GPR158: variants seen among roughly 807,000 people sequenced by gnomAD.
The protein encoded by GPR158 is metabotropic glycine receptor.
A neutral mutation model predicts 78.2 loss-of-function variants in GPR158; 30 were observed. That is an observed-to-expected ratio of 0.38 (90% CI 0.29 to 0.52). The LOEUF (loss-of-function observed/expected upper bound fraction) is 0.52, where lower values mean the gene tolerates loss of function less well. Among genes scored for constraint, GPR158 ranks in the 20% least tolerant of loss-of-function variants. The probability of loss-of-function intolerance (pLI) is 0.83; values close to 1 mark genes in which losing one functional copy is unlikely to be tolerated. For missense variants in GPR158, 1,463 were observed against 1,523.5 expected (o/e 0.96, Z 0.66); for synonymous variants, 581 against 591.1 (o/e 0.98, Z 0.25).
At chr10:25,514,035 A>G (rs545912194) in intron 5 of GPR158, among the ~76,000 whole-genome samples, 4 of 152,234 alleles carry the variant, frequency 2.6e-5, no homozygotes, top group East Asian at 1.9e-4. Flanking sequence ...TGTTAAGTCC[A>G]TTTGTTCTAA....
At chr10:25,449,125 G>A (rs1203629806) in intron 4 of GPR158, among the ~76,000 whole-genome samples, 1 of 152,084 alleles carries the variant, frequency 6.6e-6, no homozygotes, top group African/African-American at 2.4e-5. Flanking sequence ...TTTGGGATTT[G>A]GATTGTTTGT....
intron 2 of GPR158, among the ~76,000 whole-genome samples, chr10:25,224,761 G>GA (rs1429034345): frequency 4.1e-4 from 62 of 152,188 alleles, no homozygotes; most frequent in African/African-American, 1.2e-3. Flanking sequence ...ACCAATTTTT[G>GA]CAGAGGTTTT....
At chr10:25,552,803 T>C (rs1291514942) in intron 6 of GPR158, among the ~76,000 whole-genome samples, 1 of 152,174 alleles carries the variant, frequency 6.6e-6, no homozygotes, top group Non-Finnish European at 1.5e-5. Flanking sequence ...CACCTAACAC[T>C]GTGGTCTGCG....
At chr10:25,205,482 T>C (rs1483137927) in intron 1 of GPR158, among the ~76,000 whole-genome samples, 1 of 152,060 alleles carries the variant, frequency 6.6e-6, no homozygotes, top group Non-Finnish European at 1.5e-5. Flanking sequence ...TTTTTCTTTT[T>C]ATGCAATCTC....
At chr10:25,385,199 T>C (rs963886903) in intron 2 of GPR158, among the ~76,000 whole-genome samples, 2 of 152,150 alleles carry the variant, frequency 1.3e-5, no homozygotes, top group Admixed American at 6.5e-5. Context: ...GTACCACATA[T>C]AGGTGGTATC....
chr10:25,533,782 T>C (rs1200118806), intron 5 of GPR158, among the ~76,000 whole-genome samples: 1 of 152,098 alleles, frequency 6.6e-6, no homozygotes, highest in African/African-American at 2.4e-5. Flanking sequence ...TGTCCTTCCT[T>C]TGTAAAGGTA....
chr10:25,433,534 G>GTGTGTGTGTGTGTGT (rs1316150977), intron 4 of GPR158, among the ~76,000 whole-genome samples: 3 of 39,530 alleles, frequency 7.6e-5, no homozygotes, highest in Non-Finnish European at 2.3e-4. Context: ...AGTTAGGGGT[G>GTGTGTGTGTGTGTGT]TGTGTGTGTG....
chr10:25,213,572 AT>A (rs1037348013), intron 1 of GPR158, among the ~76,000 whole-genome samples: 15 of 148,424 alleles, frequency 1.0e-4, no homozygotes, highest in South Asian at 6.4e-4. Flanking sequence ...AGGTGGCTGC[AT>A]TTTTTTTTTA....
intron 2 of GPR158, among the ~76,000 whole-genome samples, chr10:25,355,270 C>A (rs35257516): frequency 0.1 from 15,122 of 151,838 alleles, 1,871 homozygotes; most frequent in African/African-American, 0.3. Context: ...TTTGAGCTTG[C>A]TGCTGCTTTC....
chr10:25,362,405 T>G (rs2130535496), intron 2 of GPR158, among the ~76,000 whole-genome samples: 1 of 152,072 alleles, frequency 6.6e-6, no homozygotes, highest in African/African-American at 2.4e-5. Flanking sequence ...TCTAAATTTT[T>G]TTTTCTTCAA....
chr10:25,425,637 G>A (rs1047279953), intron 4 of GPR158, among the ~76,000 whole-genome samples: 6 of 149,572 alleles, frequency 4.0e-5, no homozygotes, highest in Admixed American at 1.3e-4. Flanking sequence ...AAATCTTCAC[G>A]ACCTGTGCTT....
intron 5 of GPR158, among the ~76,000 whole-genome samples, chr10:25,526,610 A>G (rs992064924): frequency 6.6e-6 from 1 of 152,260 alleles, no homozygotes; most frequent in Non-Finnish European, 1.5e-5. Context: ...AGAGAACTCA[A>G]TAATATAAGG....
At chr10:25,454,000 A>G (rs191496184) in intron 4 of GPR158, among the ~76,000 whole-genome samples, 10 of 152,266 alleles carry the variant, frequency 6.6e-5, no homozygotes, top group Admixed American at 5.2e-4. Context: ...ATTGCATTGA[A>G]TCTGTAGATT....
At chr10:25,400,888 T>A (rs1456689178) in intron 3 of GPR158, among the ~76,000 whole-genome samples, 1 of 152,198 alleles carries the variant, frequency 6.6e-6, no homozygotes, top group Non-Finnish European at 1.5e-5. Context: ...ACTCTAGTGC[T>A]ATTGATATGA....
intron 2 of GPR158, among the ~76,000 whole-genome samples, chr10:25,255,457 C>A (rs2130727732): frequency 6.6e-6 from 1 of 152,350 alleles, no homozygotes; most frequent in Non-Finnish European, 1.5e-5. Flanking sequence ...GTGTCCTCTG[C>A]TCAGGGTCTC....
chr10:25,331,915 C>T (rs965274710), intron 2 of GPR158, among the ~76,000 whole-genome samples: 3 of 151,902 alleles, frequency 2.0e-5, no homozygotes, highest in African/African-American at 2.4e-5. Context: ...TGGGGAATTA[C>T]TATTTGCTCT....
chr10:25,302,704 A>T (rs533253429), intron 2 of GPR158, among the ~76,000 whole-genome samples: 1 of 152,314 alleles, frequency 6.6e-6, no homozygotes, highest in East Asian at 1.9e-4. Flanking sequence ...CGAGCCATAC[A>T]AAAACAGACT....
chr10:25,433,571 G>GCA (rs1491264496), intron 4 of GPR158, among the ~76,000 whole-genome samples: 1 of 53,076 alleles, frequency 1.9e-5, no homozygotes, highest in South Asian at 6.0e-4. Context: ...GTGTGTGTGT[G>GCA]CGCGCGCGCG....
intron 2 of GPR158, among the ~76,000 whole-genome samples, chr10:25,286,303 G>A (rs1854349914): frequency 6.6e-6 from 1 of 151,626 alleles, no homozygotes; most frequent in African/African-American, 2.4e-5. Flanking sequence ...ATTAGTTTGG[G>A]TACTTTCTAT....
Sources: gnomAD v4.1 joint callset for allele counts (sites outside exome capture counted in the v4.1 genomes callset) on GRCh38, gnomAD v4.1.1 for gene constraint, MANE v1.5 for transcripts, NCBI Gene and HGNC (gene_info 2026-07-23, HGNC 2026-07-21) for gene names.